Variants in PTPRD observed in about 807,000 individuals in gnomAD.
PTPRD encodes the protein protein tyrosine phosphatase receptor type D.
A neutral mutation model predicts 214.5 loss-of-function variants in PTPRD; 34 were observed. The observed-to-expected ratio is 0.16, with a 90% CI of 0.12 to 0.21. The LOEUF (loss-of-function observed/expected upper bound fraction) is 0.21. PTPRD is among the 10% of genes least tolerant of loss of function. The probability of loss-of-function intolerance (pLI) is 1.00; values close to 1 mark genes in which losing one functional copy is unlikely to be tolerated. For missense variants in PTPRD, 2,545 were observed against 2,398.7 expected, an observed-to-expected ratio of 1.06 and a Z score of -1.27; for synonymous variants, 1,128 against 845.7, an observed-to-expected ratio of 1.33 and a Z score of -5.79.
chr9:9,649,492 AAG>A (rs1161938384), intron 7 of PTPRD, among the ~76,000 whole-genome samples: 2 of 152,160 alleles, frequency 1.3e-5, no homozygotes, highest in Admixed American at 1.3e-4. Flanking sequence ...TAAAATGAGA[AAG>A]AGTCTTCTAA....
chr9:9,967,675 G>T (rs145507951), intron 4 of PTPRD, among the ~76,000 whole-genome samples: 3 of 152,138 alleles, frequency 2.0e-5, no homozygotes, highest in Admixed American at 2.0e-4. Context: ...AACAGAAAAT[G>T]AGAAGTTTAA....
At chr9:9,983,032 G>A (rs1566917409) in intron 4 of PTPRD, among the ~76,000 whole-genome samples, 2 of 149,308 alleles carry the variant, frequency 1.3e-5, no homozygotes, top group Non-Finnish European at 3.0e-5. Flanking sequence ...TCCCTTTAGT[G>A]TAAATCAAAT....
At chr9:8,711,368 C>T (rs906391090) in intron 12 of PTPRD, among the ~76,000 whole-genome samples, 1 of 151,984 alleles carries the variant, frequency 6.6e-6, no homozygotes, top group Non-Finnish European at 1.5e-5. Context: ...ATATTTCTAT[C>T]ATGACTACTT....
At chr9:9,626,682 T>C (rs1040384504) in intron 7 of PTPRD, among the ~76,000 whole-genome samples, 2 of 152,200 alleles carry the variant, frequency 1.3e-5, no homozygotes, top group African/African-American at 4.8e-5. Flanking sequence ...GTACATATAA[T>C]ATTTAATCTG....
intron 5 of PTPRD, among the ~76,000 whole-genome samples, chr9:9,769,901 T>C (rs1168582993): frequency 6.6e-6 from 1 of 152,100 alleles, no homozygotes; most frequent in Non-Finnish European, 1.5e-5. Context: ...AGAATGACGG[T>C]TTCCAGCTTC....
At chr9:8,469,064 C>T (rs1420039457) in intron 31 of PTPRD, among the ~76,000 whole-genome samples, 2 of 151,912 alleles carry the variant, frequency 1.3e-5, no homozygotes, top group African/African-American at 2.4e-5. Context: ...CAACCCATCC[C>T]GACCCAAAAA....
At chr9:9,466,253 G>T (rs2094146290) in intron 8 of PTPRD, among the ~76,000 whole-genome samples, 1 of 152,106 alleles carries the variant, frequency 6.6e-6, no homozygotes. Context: ...AGGCTGCAGT[G>T]AGCTGTGATT....
intron 11 of PTPRD, among the ~76,000 whole-genome samples, chr9:9,005,502 T>G (rs1361821065): frequency 6.6e-6 from 1 of 152,074 alleles, no homozygotes; most frequent in Non-Finnish European, 1.5e-5. Flanking sequence ...GAAATTAATC[T>G]GCATCCTGAA....
chr9:9,081,286 T>G (rs2099758657), intron 10 of PTPRD, among the ~76,000 whole-genome samples: 1 of 152,186 alleles, frequency 6.6e-6, no homozygotes, highest in Non-Finnish European at 1.5e-5. Flanking sequence ...TTGTTCAGTT[T>G]CCATGTAGTT....
intron 3 of PTPRD, among the ~76,000 whole-genome samples, chr9:10,223,693 A>T (rs10958959): frequency 4.3e-4 from 50 of 116,134 alleles, no homozygotes; most frequent in East Asian, 6.6e-4. Flanking sequence ...AATAATAATA[A>T]TAATAATAAT....
chr9:9,597,256 A>G (rs1243231012), intron 7 of PTPRD, among the ~76,000 whole-genome samples: 4 of 151,980 alleles, frequency 2.6e-5, no homozygotes, highest in Admixed American at 2.6e-4. Context: ...TCATCCCATC[A>G]AAGTGGGAAA....
At chr9:8,937,164 A>C (rs1359895029) in intron 11 of PTPRD, among the ~76,000 whole-genome samples, 1 of 152,202 alleles carries the variant, frequency 6.6e-6, no homozygotes, top group African/African-American at 2.4e-5. Context: ...ACGTTTTCTT[A>C]AAAAGTCTCC....
chr9:8,966,186 C>G (rs1457239400), intron 11 of PTPRD, among the ~76,000 whole-genome samples: 1 of 151,948 alleles, frequency 6.6e-6, no homozygotes, highest in African/African-American at 2.4e-5. Context: ...TAAAAGCAAT[C>G]TATAGATTCA....
At chr9:9,779,076 G>GAAAAAAAAAAAAAAAAA (rs2098822133) in intron 5 of PTPRD, among the ~76,000 whole-genome samples, 1 of 3,624 alleles carries the variant, frequency 2.8e-4, no homozygotes, top group Non-Finnish European at 4.3e-4. Flanking sequence ...TCATAAGACT[G>GAAAAAAAAAAAAAAAAA]ACAAAAAAAA....
rs921007276 is a variant in PTPRD, at chr9:8,317,274, T to C, written c.*600A>G. The C allele has an allele frequency of 3.9e-5, 9 of 232,246 alleles. No individual in the cohort carries two copies. The highest frequency in any genetic ancestry group is 2.0e-4 in the African/African-American group (9 of 45,244). The allele number at this position is 232,246 out of a possible 1,614,324, so 14.4% of individuals were successfully genotyped here. On this transcript the variant is annotated 3_prime_UTR_variant, in exon 46 of 46. Coordinates refer to ENST00000381196, the MANE Select transcript of PTPRD (RefSeq NM_002839.4). ...AAAAAATGAAGAGTTATGTAACTTT[T>C]TTAAAATTCACTTTATCGAATGATA...
intron 11 of PTPRD, among the ~76,000 whole-genome samples, chr9:8,846,925 A>C (rs1018434389): frequency 2.0e-5 from 3 of 152,180 alleles, no homozygotes; most frequent in Non-Finnish European, 4.4e-5. Flanking sequence ...CTTAAAGATC[A>C]TGCTGGCTGC....
At chr9:9,431,272 A>T (rs2082995587) in intron 8 of PTPRD, among the ~76,000 whole-genome samples, 1 of 152,256 alleles carries the variant, frequency 6.6e-6, no homozygotes. Context: ...TCAAAAGAAG[A>T]CACTTATGCA....
chr9:10,549,800 A>C (rs1232220896), intron 2 of PTPRD, among the ~76,000 whole-genome samples: 2 of 152,022 alleles, frequency 1.3e-5, no homozygotes, highest in African/African-American at 4.8e-5. Context: ...CAGAGAAGAG[A>C]CCAGGTTTTA....
At position 9,987,402 on chromosome 9, in the gene PTPRD, G is replaced by A. The variant is rs1446161830; in HGVS notation, c.-472+46316C>T. 2.6e-5 allele frequency among the ~76,000 whole-genome samples: 4 copies of A among 152,162 alleles called. No individual in the cohort carries two copies. In the East Asian group the frequency reaches 7.7e-4, roughly 29 times the overall value. ...AGTTCCACATGGCTGGGGAGGCGTT[G>A]CAATCATGGTAGAAGGCAAGGAGGA... On this transcript the variant is annotated intron_variant, in intron 4 of 45. Transcript: ENST00000381196.
Sources: allele counts gnomAD v4.1 joint callset (sites outside exome capture counted in the v4.1 genomes callset), GRCh38; gene constraint gnomAD v4.1.1; transcripts MANE v1.5; gene names NCBI Gene and HGNC (gene_info 2026-07-23, HGNC 2026-07-21).